The following CDH13 variants were observed in gnomAD, a reference collection of about 807,000 sequenced individuals.
CDH13 encodes cadherin 13.
CDH13 carries 24 observed loss-of-function variants against 63.8 expected under a neutral mutation model. The ratio of observed to expected loss-of-function variants is 0.38; its 90% confidence interval spans 0.27 to 0.53. CDH13 has a LOEUF of 0.53. Among genes scored for constraint, CDH13 ranks in the 20% least tolerant of loss-of-function variants. The probability of loss-of-function intolerance (pLI) is 0.85; values close to 1 mark genes in which losing one functional copy is unlikely to be tolerated. For synonymous variants in CDH13, 503 were observed against 355.3 expected (o/e 1.42, Z -4.67); for missense variants, 1,049 against 903.1 (o/e 1.16, Z -2.07).
At chr16:83,747,675 G>A (rs891166277) in intron 10 of CDH13, among the ~76,000 whole-genome samples, 1 of 150,414 alleles carries the variant, frequency 6.6e-6, no homozygotes, top group Non-Finnish European at 1.5e-5. Flanking sequence ...TATTGCCCTG[G>A]ATCAGAGGTA....
chr16:83,026,473 G>A (rs972860033), intron 2 of CDH13, among the ~76,000 whole-genome samples: 1 of 151,714 alleles, frequency 6.6e-6, no homozygotes, highest in Non-Finnish European at 1.5e-5. Flanking sequence ...TCCCCCACAG[G>A]GGTGAAATAG....
intron 6 of CDH13, among the ~76,000 whole-genome samples, chr16:83,374,595 C>G (rs1298854450): frequency 6.6e-6 from 1 of 152,182 alleles, no homozygotes; most frequent in Admixed American, 6.5e-5. Flanking sequence ...AACTCGTACC[C>G]ACTTCAGGAT....
chr16:82,846,173 C>T, intron 1 of CDH13, among the ~76,000 whole-genome samples: 1 of 152,126 alleles, frequency 6.6e-6, no homozygotes, highest in Non-Finnish European at 1.5e-5. Context: ...CTGCGTGGAG[C>T]CTTTGTTCTT....
At chr16:82,945,875 G>A (rs969305524) in intron 2 of CDH13, among the ~76,000 whole-genome samples, 6 of 152,116 alleles carry the variant, frequency 3.9e-5, no homozygotes, top group Non-Finnish European at 7.4e-5. Context: ...CTTCCTCTGA[G>A]TCATTTCCTA....
At chr16:83,431,831 C>T (rs1392593335) in intron 6 of CDH13, among the ~76,000 whole-genome samples, 3 of 152,208 alleles carry the variant, frequency 2.0e-5, no homozygotes, top group Non-Finnish European at 4.4e-5. Flanking sequence ...GGCCCCACCT[C>T]CAACACTGGG....
At chr16:82,970,130 C>G (rs1352689498) in intron 2 of CDH13, among the ~76,000 whole-genome samples, 1 of 151,976 alleles carries the variant, frequency 6.6e-6, no homozygotes, top group Admixed American at 6.6e-5. Context: ...TCCCTGTTTC[C>G]TTGTGTTCTT....
chr16:83,569,198 C>T (rs1055566696), intron 7 of CDH13, among the ~76,000 whole-genome samples: 4 of 152,116 alleles, frequency 2.6e-5, no homozygotes, highest in Non-Finnish European at 2.9e-5. Flanking sequence ...TTCCTTCCCT[C>T]GTCCACCTGG....
intron 8 of CDH13, among the ~76,000 whole-genome samples, chr16:83,630,167 G>C (rs1027851797): frequency 7.2e-5 from 11 of 152,136 alleles, no homozygotes; most frequent in Admixed American, 2.6e-4. Context: ...GTGAGATCAG[G>C]CATAGTTTTT....
chr16:83,477,563 G>A (rs539462767), intron 6 of CDH13, among the ~76,000 whole-genome samples: 1 of 152,118 alleles, frequency 6.6e-6, no homozygotes, highest in East Asian at 1.9e-4. Flanking sequence ...CTCCCACAGG[G>A]TGAGATCTCT....
At chr16:83,275,689 A>T (rs532600918) in intron 5 of CDH13, among the ~76,000 whole-genome samples, 8 of 152,184 alleles carry the variant, frequency 5.3e-5, no homozygotes, top group African/African-American at 1.9e-4. Context: ...CTGCTTTGTC[A>T]CTTGTGACTA....
intron 1 of CDH13, among the ~76,000 whole-genome samples, chr16:82,653,778 T>C (rs1207387557): frequency 6.6e-6 from 1 of 152,088 alleles, no homozygotes; most frequent in Non-Finnish European, 1.5e-5. Context: ...ATCTGGGTTT[T>C]CCAATGATCA....
At chr16:83,693,127 T>G (rs567038397) in intron 10 of CDH13, among the ~76,000 whole-genome samples, 1 of 152,252 alleles carries the variant, frequency 6.6e-6, no homozygotes, top group African/African-American at 2.4e-5. Flanking sequence ...TGGCCACAAC[T>G]GCCAGACTAG....
chr16:83,246,750 T>G (rs1012009492), intron 5 of CDH13, among the ~76,000 whole-genome samples: 1 of 152,192 alleles, frequency 6.6e-6, no homozygotes, highest in African/African-American at 2.4e-5. Flanking sequence ...TAAAGCTGGA[T>G]CTAATCACTT....
rs150644673 is a variant in CDH13, at chr16:82,779,611, A to G, written c.46-78751A>G. 1.1e-4 allele frequency among the ~76,000 whole-genome samples: 16 copies of G among 152,264 alleles called. No individual in the cohort carries two copies. In the East Asian group the frequency reaches 3.1e-3, roughly 29 times the overall value. On this transcript the variant is annotated intron_variant, in intron 1 of 13. Transcript: ENST00000567109. ...AGAGAATGCCAGGAAAAACCAGAAG[A>G]AAGATTTAAACAAACCTCATAATTT...
chr16:83,256,607 G>A (rs1295208806), intron 5 of CDH13, among the ~76,000 whole-genome samples: 4 of 147,614 alleles, frequency 2.7e-5, no homozygotes, highest in East Asian at 2.0e-4. Flanking sequence ...TGAGGCGGGC[G>A]AATCACGAGG....
intron 2 of CDH13, among the ~76,000 whole-genome samples, chr16:83,025,351 A>G (rs4465601): frequency 1.8e-3 from 275 of 152,322 alleles, no homozygotes; most frequent in African/African-American, 6.4e-3. Flanking sequence ...AAAGAGGTGT[A>G]ATTGACTCAC....
At chr16:83,257,379 A>T (rs1367124272) in intron 5 of CDH13, among the ~76,000 whole-genome samples, 2 of 152,198 alleles carry the variant, frequency 1.3e-5, no homozygotes, top group Non-Finnish European at 2.9e-5. Context: ...GGAGTATTCA[A>T]GCAGACCCCA....
rs1453349409 is a variant in CDH13, at chr16:83,500,288, C to CTT, written c.960+13634_960+13635dup. ...TCTTCTTCTTCTTCTTCTTCTTCTTCTTCTTCTCCTTCTCCTTCTCCTTCT... is the reference window on the plus strand; with the variant it reads ...TCTTCTTCTTCTTCTTCTTCTTCTTCTTTTCTTCTCCTTCTCCTTCTCCTTCT... On this transcript the variant is annotated intron_variant, in intron 7 of 13. Transcript: ENST00000567109. 4.3e-3 allele frequency among the ~76,000 whole-genome samples: 11 copies of CTT among 2,542 alleles called. 4 individuals carry two copies. In the Non-Finnish European group the frequency reaches 0.12, roughly 28 times the overall value. The allele number at this position is 2,542 out of a possible 152,430, so 1.7% of individuals were successfully genotyped here. A position where few individuals can be genotyped will look rare whatever the true frequency, so the allele number is the denominator to read the frequency against.
chr16:82,765,185 T>G (rs1236531993), intron 1 of CDH13, among the ~76,000 whole-genome samples: 1 of 152,232 alleles, frequency 6.6e-6, no homozygotes, highest in Non-Finnish European at 1.5e-5. Flanking sequence ...GTTTATTCTT[T>G]TACTTTTTAA....
Sources: gnomAD v4.1 joint callset for allele counts (sites outside exome capture counted in the v4.1 genomes callset) on GRCh38, gnomAD v4.1.1 for gene constraint, MANE v1.5 for transcripts, NCBI Gene and HGNC (gene_info 2026-07-23, HGNC 2026-07-21) for gene names.